Variants in TMPRSS12 observed in about 807,000 individuals in gnomAD.
TMPRSS12 encodes the protein transmembrane protease serine 12.
In TMPRSS12, 25 loss-of-function variants were observed where a neutral mutation model predicts 26.0. The ratio of observed to expected loss-of-function variants is 0.96; its 90% confidence interval spans 0.70 to 1.34. TMPRSS12 has a LOEUF of 1.34. Among genes scored for constraint, TMPRSS12 ranks in the 40% most tolerant of loss-of-function variants. TMPRSS12 has a pLI of 0.00. For synonymous variants in TMPRSS12, 150 were observed against 161.7 expected (o/e 0.93, Z 0.55); for missense variants, 441 against 440.1 (o/e 1.00, Z -0.02).
chr12:50,879,330 CAT>C (rs1183829876), intron 3 of TMPRSS12, among the ~76,000 whole-genome samples: 1 of 152,128 alleles, frequency 6.6e-6, no homozygotes, highest in Non-Finnish European at 1.5e-5. Context: ...AAAATTTAAA[CAT>C]GTATCCTCTT....
rs759762613 is a variant in TMPRSS12 at position 50,843,130 on chromosome 12, G to A, written c.166G>A (p.Glu56Lys). 2 of 1,571,016 alleles carry A rather than the reference G, an allele frequency of 1.3e-6. No individual in the cohort carries two copies. The highest frequency in any genetic ancestry group is 2.3e-5 in the East Asian group (1 of 43,068). Reference sequence around the variant, plus strand: ...CCGCAAGAGGCTCCGGCGGCGGAGGGAGGGAGGGGCGCATGCAGAGGGCAG... The same window carrying A: ...CCGCAAGAGGCTCCGGCGGCGGAGGAAGGGAGGGGCGCATGCAGAGGGCAG... Reference protein sequence around the residue: ...AVRKRLRRRREGGAHAEDCGT... With the variant: ...AVRKRLRRRRKGGAHAEDCGT... The change falls in exon 1 of 5, where the codon GAG becomes AAG. Residue 56 changes from glutamate (E) to lysine (K), a missense_variant. Glu to Lys is a moderately conservative substitution (Grantham distance 56). Transcript: ENST00000398458.
intron 3 of TMPRSS12, among the ~76,000 whole-genome samples, chr12:50,883,653 G>A (rs2139739241): frequency 6.6e-6 from 1 of 152,244 alleles, no homozygotes; most frequent in East Asian, 1.9e-4. Context: ...TCCAGCCTGG[G>A]TGACACAGCA....
At chr12:50,853,731 CT>C (rs1937849727) in intron 2 of TMPRSS12, among the ~76,000 whole-genome samples, 1 of 151,822 alleles carries the variant, frequency 6.6e-6, no homozygotes, top group African/African-American at 2.4e-5. Context: ...ACTAGAAAAC[CT>C]AGTGGATAAA....
intron 3 of TMPRSS12, among the ~76,000 whole-genome samples, chr12:50,864,970 A>G (rs759934749): frequency 1.4e-4 from 21 of 152,156 alleles, no homozygotes; most frequent in African/African-American, 1.9e-4. Context: ...AAAATCAGCA[A>G]TAGACTATTT....
At chr12:50,863,383 G>T (rs921967724) in intron 3 of TMPRSS12, among the ~76,000 whole-genome samples, 2 of 151,492 alleles carry the variant, frequency 1.3e-5, no homozygotes, top group African/African-American at 2.4e-5. Context: ...ACATACATGT[G>T]AACATACACT....
intron 4 of TMPRSS12, chr12:50,886,697 A>C (rs1177491202): frequency 6.6e-6 from 1 of 152,662 alleles, no homozygotes; most frequent in Non-Finnish European, 1.5e-5. Context: ...AGACTATGAA[A>C]GTGACCTGTC....
intron 3 of TMPRSS12, among the ~76,000 whole-genome samples, chr12:50,862,396 A>C (rs868681529): frequency 6.6e-6 from 1 of 152,192 alleles, no homozygotes; most frequent in South Asian, 2.1e-4. Flanking sequence ...CAGTGGTTTC[A>C]TAGGCCTTGG....
In TMPRSS12 at chr12:50,858,997, T is replaced by C. The variant is rs773942131; in HGVS notation, c.596T>C (p.Ile199Thr). 2 of 1,603,434 alleles carry C rather than the reference T, an allele frequency of 1.2e-6. No homozygotes were observed. Among genetic ancestry groups the C allele is most frequent in the South Asian group, 2.3e-5 (2 of 88,502 alleles). Residue 199 changes from isoleucine (I) to threonine (T), a missense_variant, in exon 3 of 5, where the codon ATC (isoleucine) becomes ACC (threonine). Ile to Thr is a moderately conservative substitution (Grantham distance 89). Coordinates refer to ENST00000398458, the MANE Select transcript of TMPRSS12 (RefSeq NM_182559.3). ...TGCCTACCTTTTGATGTTTTCCAAATCCTGGACGGAAACACAAAGTGTTTT... is the reference window on the plus strand; with the variant it reads ...TGCCTACCTTTTGATGTTTTCCAAACCCTGGACGGAAACACAAAGTGTTTT... ...PICLPFDVFQ[I>T]LDGNTKCFIS...
At chr12:50,885,519 T>G (rs1938217595) in intron 4 of TMPRSS12, 131 bp downstream of exon 4, 1 of 1,146,654 alleles carries the variant, frequency 8.7e-7, no homozygotes, top group African/African-American at 1.5e-5. Context: ...TTTCTCCTTT[T>G]TAACTATTTC....
chr12:50,882,445 T>C (rs1477592572), intron 3 of TMPRSS12, among the ~76,000 whole-genome samples: 1 of 151,466 alleles, frequency 6.6e-6, no homozygotes, highest in Non-Finnish European at 1.5e-5. Flanking sequence ...CTGCAGTTAA[T>C]GAACAGAAAA....
At chr12:50,878,929 A>G (rs75086540) in intron 3 of TMPRSS12, among the ~76,000 whole-genome samples, 9,322 of 152,260 alleles carry the variant, frequency 0.061, 325 homozygotes, top group Middle Eastern at 0.11. Flanking sequence ...CCCTTATATG[A>G]GAGGCCCCAA....
At chr12:50,866,667 G>A (rs969366526) in intron 3 of TMPRSS12, among the ~76,000 whole-genome samples, 7 of 152,096 alleles carry the variant, frequency 4.6e-5, no homozygotes, top group African/African-American at 1.7e-4. Context: ...CCAGCAGGAG[G>A]CCAACAAGCA....
rs1565935909 is a variant in TMPRSS12 at position 50,872,748 on chromosome 12, CTATATATGTACATATATATGACG to C, written c.653-12427_653-12405del. The stretch of plus-strand genomic sequence containing the variant: ...CGTATATATGTACATATATATACGT[CTATATATGTACATATATATGACG>C]TATATATGTACATATATATGACGTA... On this transcript the variant is annotated intron_variant, in intron 3 of 4. Coordinates refer to ENST00000398458, the MANE Select transcript of TMPRSS12 (RefSeq NM_182559.3). 6.5e-4 allele frequency among the ~76,000 whole-genome samples: 31 copies of C among 47,998 alleles called. 1 individual carries two copies. The highest frequency in any genetic ancestry group is 3.8e-3 in the South Asian group (5 of 1,328). 31.5% of individuals were successfully genotyped at this position (47,998 alleles called of 152,430 possible).
At chr12:50,844,070 C>G (rs762438735) in intron 2 of TMPRSS12, 33 bp downstream of exon 2, 1 of 1,469,666 alleles carries the variant, frequency 6.8e-7, no homozygotes, top group South Asian at 1.5e-5. Flanking sequence ...TTTTTATGCT[C>G]TTAGGGGATA....
intron 3 of TMPRSS12, 79 bp from the exon 4 acceptor site, chr12:50,885,167 G>A: frequency 1.5e-6 from 2 of 1,353,932 alleles, no homozygotes; most frequent in South Asian, 1.5e-5. Flanking sequence ...ACTTTGGAAA[G>A]AAAACATAAA....
chr12:50,870,304 A>G (rs990995241), intron 3 of TMPRSS12, among the ~76,000 whole-genome samples: 69 of 150,728 alleles, frequency 4.6e-4, no homozygotes, highest in African/African-American at 1.7e-3. Flanking sequence ...AACATACACA[A>G]GTCAATAAAT....
At chr12:50,861,964 C>T (rs1937940292) in intron 3 of TMPRSS12, among the ~76,000 whole-genome samples, 1 of 152,136 alleles carries the variant, frequency 6.6e-6, no homozygotes, top group African/African-American at 2.4e-5. Context: ...CACGTGCCAC[C>T]ACACTCGGCT....
intron 2 of TMPRSS12, among the ~76,000 whole-genome samples, chr12:50,848,485 T>A (rs981273093): frequency 6.6e-6 from 1 of 152,184 alleles, no homozygotes; most frequent in Admixed American, 6.5e-5. Flanking sequence ...TCTGAAGGGA[T>A]TGTTTTTGTC....
intron 3 of TMPRSS12, among the ~76,000 whole-genome samples, chr12:50,875,947 A>G (rs1427969172): frequency 6.6e-6 from 1 of 152,220 alleles, no homozygotes; most frequent in East Asian, 1.9e-4. Flanking sequence ...AAAAGAAACT[A>G]TCAACAGAGG....
Sources: gnomAD v4.1 joint callset for allele counts (sites outside exome capture counted in the v4.1 genomes callset) on GRCh38, gnomAD v4.1.1 for gene constraint, MANE v1.5 for transcripts, NCBI Gene and HGNC (gene_info 2026-07-23, HGNC 2026-07-21) for gene names.